The following CCZ1 variants were observed in gnomAD, a reference collection of about 807,000 sequenced individuals.
CCZ1 encodes the protein vacuolar fusion protein CCZ1 homolog.
A neutral mutation model predicts 57.8 loss-of-function variants in CCZ1; 19 were observed. That is an observed-to-expected ratio of 0.33 (90% CI 0.23 to 0.48). The LOEUF is 0.48. Ranked by LOEUF, CCZ1 falls within the 20% of genes least tolerant of loss-of-function variation. The pLI is 0.99. For synonymous variants in CCZ1, 81 were observed against 167.0 expected (o/e 0.49, Z 3.97); for missense variants, 200 against 492.0 (o/e 0.41, Z 5.61).
Position 5,900,474 on chromosome 7 carries a change from A to G in CCZ1, c.220A>G (p.Thr74Ala). The change falls in exon 3 of 15, where the codon ACA (threonine) becomes GCA (alanine). Residue 74 changes from threonine to alanine, a missense_variant and splice_region_variant. Physicochemically the swap from Thr to Ala is moderately conservative, Grantham distance 58. Coordinates refer to ENST00000325974, the MANE Select transcript of CCZ1 (RefSeq NM_015622.6). ...LCEAIVQFTRTFSPSKPAKSL... is the reference protein window; with the variant it reads ...LCEAIVQFTRAFSPSKPAKSL... ...AACATATTTTTTTAACCTTTGTAGG[A>G]CATTTAGCCCATCAAAACCTGCAAA... is the stretch of plus-strand genomic sequence containing the variant. The G allele has an allele frequency of 6.3e-7, 1 of 1,597,396 alleles. No homozygotes were observed. Among genetic ancestry groups the G allele is most frequent in the Non-Finnish European group, 8.5e-7 (1 of 1,176,578 alleles).
chr7:5,901,593 A>G (rs1781687063), intron 4 of CCZ1, 64 bp from the exon 5 acceptor site: 4 of 1,532,052 alleles, frequency 2.6e-6, no homozygotes, highest in Admixed American at 1.9e-5. Flanking sequence ...TACCTTTGCC[A>G]TCTATCCAGT....
rs1027259556 is a variant in CCZ1 at position 5,909,967 on chromosome 7, T to C, written c.699-68T>C. ...AAAAAAAATTTTTGTTTAATGAGCT[T>C]TATCACAGCAGTGGAAAGACAGAAG... is the stretch of plus-strand genomic sequence containing the variant. On this transcript the variant is annotated intron_variant, in intron 7 of 14. Coordinates refer to ENST00000325974, the MANE Select transcript of CCZ1 (RefSeq NM_015622.6). 6.0e-5 allele frequency: 85 copies of C among 1,417,972 alleles called. 1 individual carries two copies. The Admixed American group carries it at 1.8e-3, about 31-fold the overall frequency. The allele number at this position is 1,417,972 out of a possible 1,614,324, so 87.8% of individuals were successfully genotyped here.
At chr7:5,910,706 T>TTTTATTTTTTTTATTTATTTA (rs750179208) in intron 8 of CCZ1, among the ~76,000 whole-genome samples, 1 of 123,686 alleles carries the variant, frequency 8.1e-6, no homozygotes, top group African/African-American at 3.0e-5. Context: ...ATGTATTTTA[T>TTTTATTTTTTTTATTTATTTA]TTTATTTATT....
intron 7 of CCZ1, among the ~76,000 whole-genome samples, chr7:5,909,693 G>C (rs1396615243): frequency 2.4e-4 from 25 of 104,974 alleles, no homozygotes; most frequent in African/African-American, 8.5e-4. Flanking sequence ...GCAAGACCTT[G>C]TCTCAAAAAA....
In CCZ1 at chr7:5,906,292, T is replaced by C. The variant is rs1417046695; in HGVS notation, c.698+1023T>C. On this transcript the variant is annotated intron_variant, in intron 7 of 14. Transcript: ENST00000325974. The stretch of plus-strand genomic sequence containing the variant: ...GTTCTGGGACCCTCAAGTTTTATGT[T>C]CCCGTTGACTAGAGCCCACTTTCTT... 1.4e-5 allele frequency among the ~76,000 whole-genome samples: 2 copies of C among 145,352 alleles called. 1 individual carries two copies. Among genetic ancestry groups the C allele is most frequent in the South Asian group, 4.6e-4 (2 of 4,328 alleles).
At position 5,912,808 on chromosome 7, in the gene CCZ1, C is replaced by T. The variant is rs759696866; in HGVS notation, c.843-35C>T. 2.7e-5 allele frequency: 25 copies of T among 921,994 alleles called. No individual in the cohort carries two copies. In the East Asian group the frequency reaches 3.9e-4, roughly 14 times the overall value. 57.1% of individuals were successfully genotyped at this position (921,994 alleles called of 1,614,324 possible). ...CTAGATTCCTGATTCTCCTTCACCT[C>T]GTTGAATCAAGTCATGTCTGTTCTT... On this transcript the variant is annotated intron_variant, in intron 9 of 14. Coordinates refer to ENST00000325974, the MANE Select transcript of CCZ1 (RefSeq NM_015622.6).
intron 1 of CCZ1, among the ~76,000 whole-genome samples, chr7:5,899,334 GGTGTGTGTGTGTGTGTGTGT>G (rs869199583): frequency 8.0e-5 from 1 of 12,558 alleles, no homozygotes; most frequent in African/African-American, 2.8e-4. Flanking sequence ...TCGGGAGGGG[GGTGTGTGTGTGTGTGTGTGT>G]GTGTGTGTGT....
chr7:5,908,279 A>G (rs1238507281), intron 7 of CCZ1, among the ~76,000 whole-genome samples: 1 of 132,414 alleles, frequency 7.6e-6, no homozygotes. Flanking sequence ...ACCAGCCTGG[A>G]CAATATAATG....
intron 9 of CCZ1, 107 bp from the exon 10 acceptor site, chr7:5,912,736 G>A (rs1779064656): frequency 4.1e-6 from 5 of 1,233,944 alleles, no homozygotes; most frequent in Non-Finnish European, 6.0e-6. Context: ...AATAGCACCT[G>A]GCATCAAAAG....
intron 8 of CCZ1, 87 bp from the exon 9 acceptor site, chr7:5,911,774 C>T (rs1351812673): frequency 1.1e-6 from 1 of 914,680 alleles, no homozygotes; most frequent in East Asian, 3.1e-5. Context: ...TGGCATGGAA[C>T]CAATTAGTAG....
At chr7:5,915,481 T>C (rs1388096424) in intron 10 of CCZ1, among the ~76,000 whole-genome samples, 1 of 137,932 alleles carries the variant, frequency 7.2e-6, no homozygotes, top group East Asian at 2.3e-4. Flanking sequence ...ACAGACATAT[T>C]GTGGGGTGTG....
At chr7:5,907,599 T>G (rs1261058087) in intron 7 of CCZ1, among the ~76,000 whole-genome samples, 1 of 145,750 alleles carries the variant, frequency 6.9e-6, no homozygotes, top group African/African-American at 2.6e-5. Context: ...GGAGCCAGAG[T>G]GACCAGCAGG....
intron 7 of CCZ1, among the ~76,000 whole-genome samples, chr7:5,906,953 TGCC>T: frequency 1.4e-5 from 2 of 144,874 alleles, no homozygotes; most frequent in African/African-American, 5.1e-5. Context: ...CTGCAACCCC[TGCC>T]TCCTGGGTTC....
rs540145525 is a variant in CCZ1, at chr7:5,904,963, T to C, written c.523-131T>C. On this transcript the variant is annotated intron_variant, in intron 6 of 14. Coordinates refer to ENST00000325974, the MANE Select transcript of CCZ1 (RefSeq NM_015622.6). ...TACCCATGTCTTCACCACGGCCTCA[T>C]TGTTGCGCTGTTTGCTAGTATGTAA... The C allele has an allele frequency of 2.5e-5, 32 of 1,257,566 alleles. 2 individuals are homozygous for C. The African/African-American group carries it at 4.3e-4, about 17-fold the overall frequency. 77.9% of individuals were successfully genotyped at this position (1,257,566 alleles called of 1,614,324 possible).
intron 7 of CCZ1, among the ~76,000 whole-genome samples, chr7:5,909,613 C>T (rs973010097): frequency 3.4e-5 from 5 of 147,534 alleles, no homozygotes; most frequent in South Asian, 2.2e-4. Context: ...ATGGGAGGAC[C>T]GCTTGAGCCC....
At chr7:5,899,598 A>G (rs1781636716) in intron 1 of CCZ1, among the ~76,000 whole-genome samples, 1 of 136,350 alleles carries the variant, frequency 7.3e-6, no homozygotes, top group Non-Finnish European at 1.6e-5. Context: ...AACTCTACAA[A>G]AAAAAAAAAA....
chr7:5,912,376 CCTTTT>C (rs1779057672), intron 9 of CCZ1, among the ~76,000 whole-genome samples: 2 of 99,848 alleles, frequency 2.0e-5, no homozygotes, highest in Admixed American at 1.3e-4. Context: ...TTCAGCATAC[CCTTTT>C]TTTTTTTTTT....
intron 7 of CCZ1, among the ~76,000 whole-genome samples, chr7:5,909,263 A>G (rs558766042): frequency 6.7e-6 from 1 of 149,830 alleles, no homozygotes; most frequent in Non-Finnish European, 1.5e-5. Flanking sequence ...TATAATGTTA[A>G]AGAGAAAAGC....
Position 5,902,352 on chromosome 7 carries a change from A to G in CCZ1, c.439-309A>G, listed in dbSNP as rs192114634. 236 of 278,102 alleles carry G rather than the reference A, an allele frequency of 8.5e-4. 1 individual carries two copies. Among genetic ancestry groups the G allele is most frequent in the Middle Eastern group, 2.3e-3 (2 of 860 alleles). 17.2% of individuals were successfully genotyped at this position (278,102 alleles called of 1,614,324 possible). A position where few individuals can be genotyped will look rare whatever the true frequency, so the allele number is the denominator to read the frequency against. ...TGGTGATTCCATTTATTAACAGAAC[A>G]CTGAAAAATAAAAAAACAGAAATGT... On this transcript the variant is annotated intron_variant, in intron 5 of 14. Transcript: ENST00000325974.
Sources: gnomAD v4.1 joint callset for allele counts (sites outside exome capture counted in the v4.1 genomes callset) on GRCh38, gnomAD v4.1.1 for gene constraint, MANE v1.5 for transcripts, NCBI Gene and HGNC (gene_info 2026-07-23, HGNC 2026-07-21) for gene names.